CACNA2D1: variants seen among roughly 807,000 people sequenced by gnomAD.
CACNA2D1 encodes the protein calcium voltage-gated channel auxiliary subunit alpha2delta 1.
In CACNA2D1, 53 loss-of-function variants were observed where a neutral mutation model predicts 171.5. The ratio of observed to expected loss-of-function variants is 0.31; its 90% CI spans 0.25 to 0.39. The LOEUF (loss-of-function observed/expected upper bound fraction) is 0.39. Ranked by LOEUF, CACNA2D1 falls within the 10% of genes least tolerant of loss-of-function variation. CACNA2D1 has a pLI of 1.00. For missense variants in CACNA2D1, 903 were observed against 1,299.8 expected (o/e 0.69, Z 4.69); for synonymous variants, 442 against 443.1 (o/e 1.00, Z 0.03).
intron 24 of CACNA2D1, among the ~76,000 whole-genome samples, chr7:81,976,977 T>C (rs1678758195): frequency 6.6e-6 from 1 of 152,212 alleles, no homozygotes; most frequent in African/African-American, 2.4e-5. Flanking sequence ...TTTCTAAATA[T>C]ACAATCATGT....
At chr7:82,304,217 A>G (rs1813414958) in intron 3 of CACNA2D1, among the ~76,000 whole-genome samples, 1 of 152,170 alleles carries the variant, frequency 6.6e-6, no homozygotes, top group Admixed American at 6.6e-5. Flanking sequence ...ATGTAGAGAA[A>G]AGAGAACTCT....
intron 1 of CACNA2D1, among the ~76,000 whole-genome samples, chr7:82,400,685 A>G (rs1325336907): frequency 6.6e-6 from 1 of 152,136 alleles, no homozygotes; most frequent in East Asian, 1.9e-4. Context: ...CAATGGCAAC[A>G]AAAGACAAAA....
At position 82,043,749 on chromosome 7, in the gene CACNA2D1, G is replaced by T. The variant is rs1243525141; in HGVS notation, c.880-5514C>A. The stretch of plus-strand genomic sequence containing the variant: ...ATTTCTGAGAAGAGGGACTCTGCTT[G>T]TCATCACATTATGTCAGGATACAAA... On this transcript the variant is annotated intron_variant, in intron 10 of 38. Coordinates refer to ENST00000356860, the MANE Select transcript of CACNA2D1 (RefSeq NM_000722.4). 2.0e-5 allele frequency among the ~76,000 whole-genome samples: 3 copies of T among 152,126 alleles called. No individual in the cohort carries two copies. The East Asian group carries it at 5.8e-4, about 29-fold the overall frequency.
At chr7:82,053,610 T>C (rs1805474906) in intron 10 of CACNA2D1, among the ~76,000 whole-genome samples, 1 of 152,148 alleles carries the variant, frequency 6.6e-6, no homozygotes, top group Non-Finnish European at 1.5e-5. Flanking sequence ...CTGGGACCAG[T>C]AATACCAGGA....
intron 4 of CACNA2D1, among the ~76,000 whole-genome samples, chr7:82,153,936 A>G (rs909299622): frequency 6.6e-6 from 1 of 152,194 alleles, no homozygotes; most frequent in Admixed American, 6.5e-5. Context: ...GAAGAAAAAG[A>G]TAACTGTTGC....
intron 3 of CACNA2D1, among the ~76,000 whole-genome samples, chr7:82,307,063 G>A (rs1813827584): frequency 6.6e-6 from 1 of 152,156 alleles, no homozygotes; most frequent in Admixed American, 6.5e-5. Context: ...TCCCACAGCT[G>A]CAGCCAAGGT....
chr7:82,124,914 G>T lies in CACNA2D1; in HGVS notation c.397-7741C>A, dbSNP rs528113017. On this transcript the variant is annotated intron_variant, in intron 5 of 38. Coordinates refer to ENST00000356860, the MANE Select transcript of CACNA2D1 (RefSeq NM_000722.4). Reference sequence around the variant, plus strand: ...TTTTTAAAAAAAAAATGCTAGAAAAGAAACCTAGATTTTTCCTTTTTCTTT... The same window carrying T: ...TTTTTAAAAAAAAAATGCTAGAAAATAAACCTAGATTTTTCCTTTTTCTTT... 1.2e-4 allele frequency among the ~76,000 whole-genome samples: 18 copies of T among 152,054 alleles called. No homozygotes were observed. The East Asian group carries it at 3.1e-3, about 26-fold the overall frequency.
At chr7:82,085,590 C>T (rs1337342492) in intron 6 of CACNA2D1, among the ~76,000 whole-genome samples, 1 of 150,568 alleles carries the variant, frequency 6.6e-6, no homozygotes, top group Non-Finnish European at 1.5e-5. Context: ...CAAAAATGTA[C>T]ATATTTTAGT....
chr7:81,953,115 C>T (rs1416074355), intron 38 of CACNA2D1, among the ~76,000 whole-genome samples: 1 of 151,936 alleles, frequency 6.6e-6, no homozygotes, highest in Non-Finnish European at 1.5e-5. Context: ...CTAACTCTAC[C>T]TTCAAAATAC....
At chr7:82,215,137 G>T (rs1800966038) in intron 3 of CACNA2D1, among the ~76,000 whole-genome samples, 1 of 152,074 alleles carries the variant, frequency 6.6e-6, no homozygotes, top group Non-Finnish European at 1.5e-5. Context: ...CCAAAAAAAT[G>T]ATGAAAGAAA....
chr7:82,204,763 A>G (rs1459062666), intron 3 of CACNA2D1, among the ~76,000 whole-genome samples: 1 of 152,106 alleles, frequency 6.6e-6, no homozygotes, highest in African/African-American at 2.4e-5. Context: ...GAGCCTATGT[A>G]TAAGGCCTCT....
intron 3 of CACNA2D1, among the ~76,000 whole-genome samples, chr7:82,281,056 A>T (rs2129373541): frequency 6.6e-6 from 1 of 152,310 alleles, no homozygotes; most frequent in African/African-American, 2.4e-5. Context: ...GGAAGTCCAG[A>T]TGTAAAGTGT....
In CACNA2D1 at chr7:82,020,876, G is replaced by A. The variant is rs1307571989; in HGVS notation, c.1144-6397C>T. 14 of 152,178 alleles carry A rather than the reference G, an allele frequency of 9.2e-5. No individual in the cohort carries two copies. The East Asian group carries it at 1.9e-3, about 21-fold the overall frequency. The allele number at this position is 152,178 out of a possible 1,614,324, so 9.4% of individuals were successfully genotyped here. ...AATTTAATCGATGTCTGTTGAATTC[G>A]CTCAAGTAAATAAAACAGAAAAACT... On this transcript the variant is annotated intron_variant, in intron 12 of 38. Coordinates refer to ENST00000356860, the MANE Select transcript of CACNA2D1 (RefSeq NM_000722.4).
At chr7:82,020,295 G>A (rs898443076) in intron 12 of CACNA2D1, among the ~76,000 whole-genome samples, 3 of 152,102 alleles carry the variant, frequency 2.0e-5, no homozygotes, top group Non-Finnish European at 4.4e-5. Context: ...CCAGTCAGGC[G>A]CATTCTGCAT....
intron 6 of CACNA2D1, among the ~76,000 whole-genome samples, chr7:82,091,546 T>C (rs910314355): frequency 6.6e-6 from 1 of 152,178 alleles, no homozygotes; most frequent in African/African-American, 2.4e-5. Flanking sequence ...AAATCCACTT[T>C]ATTATTAAAG....
At chr7:82,202,107 G>A (rs970126240) in intron 3 of CACNA2D1, among the ~76,000 whole-genome samples, 4 of 152,180 alleles carry the variant, frequency 2.6e-5, no homozygotes, top group Admixed American at 2.6e-4. Context: ...AGCCAGGTGA[G>A]GTGCATTAGG....
chr7:82,030,858 T>C (rs937320289), intron 12 of CACNA2D1, among the ~76,000 whole-genome samples: 2 of 151,922 alleles, frequency 1.3e-5, no homozygotes, highest in African/African-American at 2.4e-5. Flanking sequence ...TAGAATTGAA[T>C]TTTGTGTTAA....
chr7:82,146,983 CAAAAAAAAA>C (rs764990586), intron 4 of CACNA2D1, among the ~76,000 whole-genome samples: 31 of 25,492 alleles, frequency 1.2e-3, no homozygotes, highest in East Asian at 8.6e-3. Flanking sequence ...ACTCCCATCT[CAAAAAAAAA>C]AAAAAAAAAA....
chr7:82,346,741 G>A (rs1158737309), intron 2 of CACNA2D1, among the ~76,000 whole-genome samples: 2 of 151,836 alleles, frequency 1.3e-5, no homozygotes, highest in African/African-American at 2.4e-5. Flanking sequence ...ATCATTGTTA[G>A]TGGCAGAGCT....
Sources: allele counts gnomAD v4.1 joint callset (sites outside exome capture counted in the v4.1 genomes callset), GRCh38; gene constraint gnomAD v4.1.1; transcripts MANE v1.5; gene names NCBI Gene and HGNC (gene_info 2026-07-23, HGNC 2026-07-21).